Variants in RALGAPA1 observed in about 807,000 individuals in gnomAD.
RALGAPA1 encodes the protein ral GTPase-activating protein subunit alpha-1.
RALGAPA1 carries 52 observed loss-of-function variants against 269.6 expected under a neutral mutation model. The observed-to-expected ratio is 0.19, with a 90% confidence interval of 0.15 to 0.24. The LOEUF is 0.24. Among genes scored for constraint, RALGAPA1 ranks in the 10% least tolerant of loss-of-function variants. The pLI, the probability that RALGAPA1 is intolerant of heterozygous loss-of-function variation, is 1.00. For missense variants in RALGAPA1, 1,917 were observed against 3,013.9 expected (o/e 0.64, Z 8.52); for synonymous variants, 817 against 1,008.3 (o/e 0.81, Z 3.60).
At chr14:35,557,793 G>A (rs12589742) in intron 39 of RALGAPA1, among the ~76,000 whole-genome samples, 3,413 of 152,134 alleles carry the variant, frequency 0.022, 132 homozygotes, top group South Asian at 0.14. Flanking sequence ...TCTAGCAAGA[G>A]CATCCCATTA....
intron 39 of RALGAPA1, among the ~76,000 whole-genome samples, chr14:35,565,163 T>A (rs2056589504): frequency 1.3e-5 from 2 of 151,950 alleles, no homozygotes. Flanking sequence ...ATTCATTACC[T>A]AGTACATTTA....
chr14:35,715,464 T>C (rs1050712168), intron 16 of RALGAPA1, among the ~76,000 whole-genome samples: 13 of 152,206 alleles, frequency 8.5e-5, no homozygotes, highest in Admixed American at 8.5e-4. Context: ...AGTCTGGTTA[T>C]TTATTTATTT....
chr14:35,581,623 T>G (rs1225113784), intron 37 of RALGAPA1, among the ~76,000 whole-genome samples: 2 of 152,100 alleles, frequency 1.3e-5, no homozygotes, highest in South Asian at 2.1e-4. Context: ...AATAAGCACA[T>G]GAAAAGATGC....
At chr14:35,777,059 A>G (rs1380871853) in intron 1 of RALGAPA1, among the ~76,000 whole-genome samples, 1 of 152,226 alleles carries the variant, frequency 6.6e-6, no homozygotes, top group Non-Finnish European at 1.5e-5. Flanking sequence ...AATATAATGC[A>G]AGCCACAAAT....
intron 17 of RALGAPA1, among the ~76,000 whole-genome samples, chr14:35,699,129 CA>C (rs767856573): frequency 2.6e-5 from 4 of 152,158 alleles, no homozygotes; most frequent in Non-Finnish European, 4.4e-5. Context: ...ATTAAAAAAT[CA>C]ACTCCAATTT....
intron 1 of RALGAPA1, among the ~76,000 whole-genome samples, chr14:35,799,143 A>AAAAT (rs1434277297): frequency 2.0e-5 from 3 of 152,368 alleles, no homozygotes; most frequent in Middle Eastern, 3.4e-3. Context: ...CATGATAAGT[A>AAAAT]AAATATATGA....
At chr14:35,606,030 A>T (rs1424098954) in intron 35 of RALGAPA1, among the ~76,000 whole-genome samples, 1 of 152,240 alleles carries the variant, frequency 6.6e-6, no homozygotes, top group Non-Finnish European at 1.5e-5. Context: ...GTGTGAATAC[A>T]TAAGCATCTT....
At chr14:35,697,185 A>G (rs2066968286) in intron 17 of RALGAPA1, among the ~76,000 whole-genome samples, 1 of 152,256 alleles carries the variant, frequency 6.6e-6, no homozygotes, top group Non-Finnish European at 1.5e-5. Context: ...TTAGATTTCT[A>G]CAATGTAAAC....
chr14:35,751,882 A>G, intron 8 of RALGAPA1, 142 bp downstream of exon 8: 2 of 1,119,954 alleles, frequency 1.8e-6, no homozygotes, highest in Non-Finnish European at 2.3e-6. Flanking sequence ...TGCTTTCAGT[A>G]TGAATCTAGG....
intron 9 of RALGAPA1, among the ~76,000 whole-genome samples, chr14:35,750,054 A>G (rs948960776): frequency 1.3e-5 from 2 of 152,096 alleles, no homozygotes; most frequent in African/African-American, 4.8e-5. Context: ...TTTATATCAC[A>G]TTTCTAGACT....
At chr14:35,643,099 G>GC (rs1293499597) in intron 31 of RALGAPA1, among the ~76,000 whole-genome samples, 2 of 151,008 alleles carry the variant, frequency 1.3e-5, no homozygotes, top group African/African-American at 4.9e-5. Context: ...ACCAAACACC[G>GC]CAAGTTCTCA....
intron 20 of RALGAPA1, 123 bp downstream of exon 20, chr14:35,684,806 A>G: frequency 1.0e-6 from 1 of 978,010 alleles, no homozygotes; most frequent in Non-Finnish European, 1.5e-6. Context: ...TTTTTTTTCT[A>G]ACGTGGGAGC....
intron 39 of RALGAPA1, among the ~76,000 whole-genome samples, chr14:35,562,562 TTGTA>T (rs986992590): frequency 2.6e-5 from 4 of 152,180 alleles, no homozygotes. Flanking sequence ...TAAAAAACCC[TTGTA>T]TGTGTGCTAG....
intron 35 of RALGAPA1, among the ~76,000 whole-genome samples, chr14:35,617,270 C>T (rs530699423): frequency 1.1e-4 from 16 of 151,842 alleles, no homozygotes; most frequent in Non-Finnish European, 1.0e-4. Context: ...TCACCTAAGG[C>T]GAGGAGTTAC....
chr14:35,568,418 A>C (rs1289433683), intron 39 of RALGAPA1, among the ~76,000 whole-genome samples: 1 of 152,120 alleles, frequency 6.6e-6, no homozygotes, highest in Non-Finnish European at 1.5e-5. Context: ...CAATGAGATA[A>C]AAATCAGAAT....
At chr14:35,710,667 G>A (rs765277241) in intron 16 of RALGAPA1, among the ~76,000 whole-genome samples, 2 of 152,132 alleles carry the variant, frequency 1.3e-5, no homozygotes, top group Non-Finnish European at 2.9e-5. Context: ...CCAACAGACC[G>A]CATGTATGAT....
At chr14:35,729,498 G>C (rs1381267804) in intron 12 of RALGAPA1, among the ~76,000 whole-genome samples, 2 of 152,102 alleles carry the variant, frequency 1.3e-5, no homozygotes, top group African/African-American at 4.8e-5. Context: ...TGGATCTGAG[G>C]GGCCCAGTAA....
chr14:35,555,108 G>A (rs2055473618), intron 39 of RALGAPA1, among the ~76,000 whole-genome samples: 1 of 151,900 alleles, frequency 6.6e-6, no homozygotes, highest in Admixed American at 6.6e-5. Context: ...TGATCTTGCT[G>A]GCCCTCTCTG....
At chr14:35,639,943 G>T (rs201365429) in intron 31 of RALGAPA1, among the ~76,000 whole-genome samples, 1 of 117,864 alleles carries the variant, frequency 8.5e-6, no homozygotes, top group East Asian at 2.2e-4. Flanking sequence ...TGTCTCAAAA[G>T]AAAAAAAAAA....
Sources: allele counts gnomAD v4.1 joint callset (sites outside exome capture counted in the v4.1 genomes callset), GRCh38; gene constraint gnomAD v4.1.1; transcripts MANE v1.5; gene names NCBI Gene and HGNC (gene_info 2026-07-23, HGNC 2026-07-21).